ZFYVE9: variants seen among roughly 807,000 people sequenced by gnomAD.
ZFYVE9 encodes the protein zinc finger FYVE domain-containing protein 9.
ZFYVE9 carries 43 observed loss-of-function variants against 126.7 expected under a neutral mutation model. The observed-to-expected ratio is 0.34, with a 90% CI of 0.27 to 0.44. ZFYVE9 has a LOEUF of 0.44. ZFYVE9 is among the 20% of genes least tolerant of loss of function. The pLI is 1.00. For synonymous variants in ZFYVE9, 521 were observed against 597.4 expected, an observed-to-expected ratio of 0.87 and a Z score of 1.87; for missense variants, 1,476 against 1,697.0, an observed-to-expected ratio of 0.87 and a Z score of 2.29.
intron 4 of ZFYVE9, 54 bp downstream of exon 4, chr1:52,239,649 A>C: frequency 1.3e-6 from 2 of 1,548,076 alleles, no homozygotes; most frequent in East Asian, 4.5e-5. Context: ...GTAATGCTGA[A>C]TTAAATAGTA....
At chr1:52,177,266 C>A (rs1266463074) in intron 1 of ZFYVE9, among the ~76,000 whole-genome samples, 1 of 152,084 alleles carries the variant, frequency 6.6e-6, no homozygotes, top group Non-Finnish European at 1.5e-5. Context: ...TCTCCTGCCT[C>A]AGCCTCCCCA....
intron 17 of ZFYVE9, among the ~76,000 whole-genome samples, chr1:52,342,902 G>A (rs1557529233): frequency 6.7e-6 from 1 of 149,592 alleles, no homozygotes; most frequent in Non-Finnish European, 1.5e-5. Context: ...ACTTTACAGA[G>A]GCAAATTAAT....
chr1:52,238,751 C>T lies in ZFYVE9; in HGVS notation c.1334C>T (p.Ala445Val), dbSNP rs755727088. ...SGGQCVGLADAGLDLKGTCIS... is the reference protein window; with the variant it reads ...SGGQCVGLADVGLDLKGTCIS... ...GGACAGTGTGTTGGATTGGCAGATGCAGGTCTAGATTTAAAAGGAACTTGC... is the reference window on the plus strand; with the variant it reads ...GGACAGTGTGTTGGATTGGCAGATGTAGGTCTAGATTTAAAAGGAACTTGC... Residue 445 changes from alanine (A) to valine (V), a missense_variant, in exon 4 of 19, where the codon GCA becomes GTA. Physicochemically the swap from Ala to Val is moderately conservative, Grantham distance 64. Coordinates refer to ENST00000287727, the MANE Select transcript of ZFYVE9 (RefSeq NM_004799.4). The T allele has an allele frequency of 9.9e-6, 16 of 1,613,882 alleles. 1 individual carries two copies. In the South Asian group the frequency reaches 1.8e-4, roughly 18 times the overall value.
intron 1 of ZFYVE9, among the ~76,000 whole-genome samples, chr1:52,184,220 T>C (rs1572083146): frequency 7.0e-6 from 1 of 143,216 alleles, no homozygotes; most frequent in Non-Finnish European, 1.5e-5. Flanking sequence ...TTTATATATA[T>C]AGATATATAT....
chr1:52,290,200 C>G (rs908957008), intron 10 of ZFYVE9, among the ~76,000 whole-genome samples: 3 of 152,120 alleles, frequency 2.0e-5, no homozygotes. Context: ...GCTGCATCAT[C>G]CCATGGCAGA....
At chr1:52,278,431 C>G in intron 8 of ZFYVE9, 61 bp from the exon 9 acceptor site, 1 of 1,594,062 alleles carries the variant, frequency 6.3e-7, no homozygotes, top group Non-Finnish European at 8.6e-7. Flanking sequence ...ATTTCTCCAT[C>G]TGATCTCTTT....
At chr1:52,284,709 G>A (rs552305185) in intron 10 of ZFYVE9, among the ~76,000 whole-genome samples, 41 of 152,238 alleles carry the variant, frequency 2.7e-4, no homozygotes, top group Non-Finnish European at 2.2e-4. Context: ...GTGAGCCACC[G>A]CGCCCAGCAA....
chr1:52,176,798 G>T (rs188512930), intron 1 of ZFYVE9, among the ~76,000 whole-genome samples: 129 of 152,322 alleles, frequency 8.5e-4, no homozygotes, highest in Non-Finnish European at 1.5e-3. Flanking sequence ...CTCCGAGCCA[G>T]GTGTGGGATA....
chr1:52,178,421 T>G (rs1354147570), intron 1 of ZFYVE9, among the ~76,000 whole-genome samples: 1 of 143,188 alleles, frequency 7.0e-6, no homozygotes, highest in Non-Finnish European at 1.5e-5. Flanking sequence ...AACCTCCACC[T>G]CCTGGATTCA....
At chr1:52,304,742 T>TATA (rs1646066381) in intron 13 of ZFYVE9, among the ~76,000 whole-genome samples, 1 of 152,184 alleles carries the variant, frequency 6.6e-6, no homozygotes, top group African/African-American at 2.4e-5. Context: ...CTCAGCATTA[T>TATA]TATGAGAATG....
chr1:52,181,089 G>A lies in ZFYVE9; in HGVS notation c.-142-35280G>A, dbSNP rs895256488. On this transcript the variant is annotated intron_variant, in intron 1 of 18. Transcript: ENST00000287727. ...CCCTCTCCCTCACTTTCTCCCTCACGGTCTCCTTCTCCCTCTCTTTCCACG... is the reference window on the plus strand; with the variant it reads ...CCCTCTCCCTCACTTTCTCCCTCACAGTCTCCTTCTCCCTCTCTTTCCACG... Among the ~76,000 whole-genome samples, 3 of 148,710 alleles carry A rather than the reference G, an allele frequency of 2.0e-5. No homozygotes were observed. In the East Asian group the frequency reaches 5.9e-4, roughly 29 times the overall value.
At chr1:52,192,686 A>T (rs918395885) in intron 1 of ZFYVE9, among the ~76,000 whole-genome samples, 1 of 152,296 alleles carries the variant, frequency 6.6e-6, no homozygotes, top group South Asian at 2.1e-4. Flanking sequence ...AATGCACAGG[A>T]TATGTAAAGA....
intron 2 of ZFYVE9, among the ~76,000 whole-genome samples, chr1:52,228,599 C>G (rs997182022): frequency 6.6e-6 from 1 of 152,152 alleles, no homozygotes; most frequent in Non-Finnish European, 1.5e-5. Flanking sequence ...AAGTTAGTTG[C>G]AGACAACACA....
chr1:52,298,449 T>C (rs953590338), intron 12 of ZFYVE9, among the ~76,000 whole-genome samples: 35 of 152,172 alleles, frequency 2.3e-4, no homozygotes, highest in Non-Finnish European at 3.8e-4. Context: ...CGAAAATTAG[T>C]TGGCTGTAGG....
rs1171027696 is a variant in ZFYVE9 at position 52,291,885 on chromosome 1, CAAAAAAAAA to C, written c.3026-1555_3026-1547del. On this transcript the variant is annotated intron_variant, in intron 10 of 18. Coordinates refer to ENST00000287727, the MANE Select transcript of ZFYVE9 (RefSeq NM_004799.4). ...TGGGTAACAGAGCGAGACTCTGTCT[CAAAAAAAAA>C]AAAAAAAAAAAAGAGAAACCTGCTT... 4.8e-4 allele frequency among the ~76,000 whole-genome samples: 28 copies of C among 58,744 alleles called. No individual in the cohort carries two copies. In the East Asian group the frequency reaches 9.4e-3, roughly 20 times the overall value. 38.5% of individuals were successfully genotyped at this position (58,744 alleles called of 152,430 possible). A position where few individuals can be genotyped will look rare whatever the true frequency, so the allele number is the denominator to read the frequency against.
At chr1:52,276,746 A>G (rs1645751845) in intron 8 of ZFYVE9, among the ~76,000 whole-genome samples, 1 of 152,214 alleles carries the variant, frequency 6.6e-6, no homozygotes, top group African/African-American at 2.4e-5. Context: ...CTGCTTAGAA[A>G]ATAGTGATTT....
At chr1:52,147,565 TTTC>T (rs1644316512) in intron 1 of ZFYVE9, among the ~76,000 whole-genome samples, 1 of 152,226 alleles carries the variant, frequency 6.6e-6, no homozygotes, top group Non-Finnish European at 1.5e-5. Flanking sequence ...CAGTACTTCA[TTTC>T]TTTTTATTGC....
intron 9 of ZFYVE9, among the ~76,000 whole-genome samples, chr1:52,280,501 A>G (rs532904988): frequency 1.8e-3 from 279 of 152,056 alleles, no homozygotes; most frequent in Non-Finnish European, 3.1e-3. Context: ...TGTTTTTTTG[A>G]TTAACATTTG....
rs534034972 is a variant in ZFYVE9, at chr1:52,151,445, A to T, written c.-143+9042A>T. Among the ~76,000 whole-genome samples, 7 of 152,028 alleles carry T rather than the reference A, an allele frequency of 4.6e-5. No individual in the cohort carries two copies. The South Asian group carries it at 1.5e-3, about 32-fold the overall frequency. On this transcript the variant is annotated intron_variant, in intron 1 of 18. Transcript: ENST00000287727. ...TATATATCAAGCTCATATATCTCTG[A>T]CTAGAAAGTCCACACTCTTTTTTCA...
Sources: allele counts gnomAD v4.1 joint callset (sites outside exome capture counted in the v4.1 genomes callset), GRCh38; gene constraint gnomAD v4.1.1; transcripts MANE v1.5; gene names NCBI Gene and HGNC (gene_info 2026-07-23, HGNC 2026-07-21).